The following MTA3 variants were observed in gnomAD, a reference collection of about 807,000 sequenced individuals.
MTA3 encodes metastasis-associated protein MTA3.
A neutral mutation model predicts 83.5 loss-of-function variants in MTA3; 34 were observed. The ratio of observed to expected loss-of-function variants is 0.41; its 90% CI spans 0.31 to 0.54. MTA3 has a LOEUF of 0.54. Among genes scored for constraint, MTA3 ranks in the 20% least tolerant of loss-of-function variants. The pLI, the probability that MTA3 is intolerant of heterozygous loss-of-function variation, is 0.33. For missense variants in MTA3, 761 were observed against 726.4 expected, an observed-to-expected ratio of 1.05 and a Z score of -0.55; for synonymous variants, 303 against 252.7, an observed-to-expected ratio of 1.20 and a Z score of -1.89.
At chr2:42,699,341 A>G (rs1693656445) in intron 11 of MTA3, among the ~76,000 whole-genome samples, 1 of 152,120 alleles carries the variant, frequency 6.6e-6, no homozygotes, top group Non-Finnish European at 1.5e-5. Context: ...AGCTGGGACT[A>G]TAGGCACGCA....
At chr2:42,727,570 G>A (rs2104554152) in intron 16 of MTA3, among the ~76,000 whole-genome samples, 2 of 152,286 alleles carry the variant, frequency 1.3e-5, no homozygotes, top group Admixed American at 1.3e-4. Context: ...CTGAAGAGAA[G>A]GCAGCAGGGG....
rs150666322 is a variant in MTA3 at position 42,721,653 on chromosome 2, C to T, written c.1613-1236C>T. On this transcript the variant is annotated intron_variant, in intron 15 of 16. Transcript: ENST00000405094. ...CAATGAGGGAATTTTTTCTAATGAG[C>T]GTTAGGGCAGCCTACCTGAAGAAAG... Among the ~76,000 whole-genome samples the T allele has an allele frequency of 4.1e-3, 623 of 152,156 alleles. 4 individuals carry two copies. Among genetic ancestry groups the T allele is most frequent in the Non-Finnish European group, 6.3e-3 (429 of 68,002 alleles).
At chr2:42,744,296 A>G (rs1669246803) in intron 16 of MTA3, among the ~76,000 whole-genome samples, 1 of 152,202 alleles carries the variant, frequency 6.6e-6, no homozygotes, top group Non-Finnish European at 1.5e-5. Context: ...ATGCCAAATT[A>G]GCCACCCCTG....
intron 4 of MTA3, among the ~76,000 whole-genome samples, chr2:42,610,982 CTTT>C (rs773889459): frequency 7.4e-6 from 1 of 135,984 alleles, no homozygotes; most frequent in Non-Finnish European, 1.6e-5. Context: ...CTTTTCTTTT[CTTT>C]TTTTTTTTTT....
chr2:42,580,357 TTTTATTTA>T (rs532773955), intron 3 of MTA3, among the ~76,000 whole-genome samples: 30 of 151,416 alleles, frequency 2.0e-4, no homozygotes, highest in African/African-American at 4.6e-4. Flanking sequence ...ATTTAATTAA[TTTTATTTA>T]TTTATTTATT....
At chr2:42,548,831 T>TATATATATATATATAATATATATATA in intron 2 of MTA3, among the ~76,000 whole-genome samples, 1 of 8,534 alleles carries the variant, frequency 1.2e-4, no homozygotes, top group African/African-American at 4.0e-4. Context: ...ATATATATAA[T>TATATATATATATATAATATATATATA]ATATATATAT....
At position 42,718,968 on chromosome 2, in the gene MTA3, A is replaced by G. The variant is rs1558616855; in HGVS notation, c.1526-20A>G. On this transcript the variant is annotated intron_variant, in intron 14 of 16. Transcript: ENST00000405094. ...GAAATCCATTTCATTGGTTATCTCCATGTTTCTTTCTCTCCTCAGATGCAG... is the reference window on the plus strand; with the variant it reads ...GAAATCCATTTCATTGGTTATCTCCGTGTTTCTTTCTCTCCTCAGATGCAG... 1.3e-6 allele frequency: 2 copies of G among 1,532,942 alleles called. No individual in the cohort carries two copies. Among genetic ancestry groups the G allele is most frequent in the Admixed American group, 2.0e-5 (1 of 50,956 alleles). The allele number at this position is 1,532,942 out of a possible 1,614,324, so 95.0% of individuals were successfully genotyped here. A position where few individuals can be genotyped will look rare whatever the true frequency, so the allele number is the denominator to read the frequency against.
At chr2:42,515,793 C>A (rs952220293) in intron 2 of MTA3, among the ~76,000 whole-genome samples, 16 of 151,710 alleles carry the variant, frequency 1.1e-4, no homozygotes, top group Non-Finnish European at 2.4e-4. Context: ...AACCACCGTG[C>A]CCAGTCGTTT....
At chr2:42,666,409 A>G (rs1690238439) in intron 8 of MTA3, among the ~76,000 whole-genome samples, 1 of 152,170 alleles carries the variant, frequency 6.6e-6, no homozygotes, top group African/African-American at 2.4e-5. Context: ...CAACAAAACT[A>G]TTGAGTTTTG....
intron 7 of MTA3, among the ~76,000 whole-genome samples, chr2:42,658,900 C>T (rs951432726): frequency 1.3e-5 from 2 of 150,314 alleles, no homozygotes; most frequent in Non-Finnish European, 3.0e-5. Context: ...CATAGGGAGG[C>T]CTTGTCTACA....
intron 3 of MTA3, among the ~76,000 whole-genome samples, chr2:42,602,938 G>A (rs1349434404): frequency 1.3e-5 from 2 of 152,016 alleles, no homozygotes; most frequent in African/African-American, 4.8e-5. Flanking sequence ...TACATGACAT[G>A]AATTTCCTCT....
chr2:42,594,691 CATATATAAATATACATATATATATATAT>C (rs1558472719), intron 3 of MTA3, among the ~76,000 whole-genome samples: 1 of 83,832 alleles, frequency 1.2e-5, no homozygotes, highest in East Asian at 2.9e-4. Context: ...TACATATATA[CATATATAAATATACATATATATATATAT>C]ATATATATAT....
At chr2:42,650,430 G>C (rs1688602374) in intron 6 of MTA3, among the ~76,000 whole-genome samples, 1 of 151,712 alleles carries the variant, frequency 6.6e-6, no homozygotes, top group South Asian at 2.1e-4. Context: ...TGTTTGTTTG[G>C]GGTTTTTTTG....
At chr2:42,719,209 A>T in intron 15 of MTA3, 135 bp downstream of exon 15, 1 of 612,664 alleles carries the variant, frequency 1.6e-6, no homozygotes, top group South Asian at 2.2e-5. Flanking sequence ...TTATATAGTC[A>T]GTTTATTTTG....
At chr2:42,721,995 A>G (rs1347838442) in intron 15 of MTA3, among the ~76,000 whole-genome samples, 2 of 152,200 alleles carry the variant, frequency 1.3e-5, no homozygotes, top group Non-Finnish European at 1.5e-5. Flanking sequence ...AACAATTCCA[A>G]TGGCTTTTCC....
chr2:42,536,472 T>C lies in MTA3; in HGVS notation c.-140-33965T>C, dbSNP rs549556143. 4.0e-5 allele frequency among the ~76,000 whole-genome samples: 6 copies of C among 149,760 alleles called. No individual in the cohort carries two copies. In the South Asian group the frequency reaches 1.3e-3, roughly 32 times the overall value. On this transcript the variant is annotated intron_variant, in intron 2 of 17. Coordinates refer to the MTA3 transcript ENST00000405592. The stretch of plus-strand genomic sequence containing the variant: ...CCTGGGCAACAAGATCGAAACTCCA[T>C]CTCAAAAATAAAGGAAAAAGAAAAA...
chr2:42,534,889 C>T (rs1305486528), intron 2 of MTA3, among the ~76,000 whole-genome samples: 1 of 151,884 alleles, frequency 6.6e-6, no homozygotes, highest in Non-Finnish European at 1.5e-5. Flanking sequence ...TCCCAAAGTG[C>T]TGGTTTTACT....
chr2:42,620,506 T>C (rs1390181968), intron 4 of MTA3, among the ~76,000 whole-genome samples: 1 of 151,574 alleles, frequency 6.6e-6, no homozygotes, highest in Admixed American at 6.6e-5. Flanking sequence ...TTCTTTTCTT[T>C]TTGAGAGATA....
intron 2 of MTA3, among the ~76,000 whole-genome samples, chr2:42,535,502 C>G (rs1260027790): frequency 6.6e-6 from 1 of 152,158 alleles, no homozygotes; most frequent in Non-Finnish European, 1.5e-5. Flanking sequence ...GTTGGAATCA[C>G]AGGCCTGAGC....
Sources: allele counts gnomAD v4.1 joint callset (sites outside exome capture counted in the v4.1 genomes callset), GRCh38; gene constraint gnomAD v4.1.1; transcripts MANE v1.5; gene names NCBI Gene and HGNC (gene_info 2026-07-23, HGNC 2026-07-21).